LSAMP: variants seen among roughly 807,000 people sequenced by gnomAD.
The protein encoded by LSAMP is limbic system-associated membrane protein.
Under a neutral mutation model 38.6 loss-of-function variants are expected in LSAMP, and 7 were observed. That is an observed-to-expected ratio of 0.18 (90% CI 0.10 to 0.34). LSAMP has a LOEUF of 0.34. Among genes scored for constraint, LSAMP ranks in the 10% least tolerant of loss-of-function variants. The pLI is 1.00. For synonymous variants in LSAMP, 154 were observed against 166.8 expected (o/e 0.92, Z 0.59); for missense variants, 313 against 420.0 (o/e 0.75, Z 2.23).
chr3:116,400,061 G>T (rs574963019), intron 1 of LSAMP, among the ~76,000 whole-genome samples: 1 of 152,196 alleles, frequency 6.6e-6, no homozygotes, highest in South Asian at 2.1e-4. Flanking sequence ...GGAAATCTGA[G>T]GACTAAATAT....
At position 115,909,299 on chromosome 3, in the gene LSAMP, T is replaced by C. The variant is rs1369774390; in HGVS notation, c.515-56682A>G. 3.9e-5 allele frequency among the ~76,000 whole-genome samples: 6 copies of C among 152,350 alleles called. No homozygotes were observed. The East Asian group carries it at 1.2e-3, about 29-fold the overall frequency. On this transcript the variant is annotated intron_variant, in intron 3 of 6. Transcript: ENST00000490035. Reference sequence around the variant, plus strand: ...TGCCCAGGCATCACATCTCTGCTAGTTCTCCATCTAGGCTTTTCTGAGTCT... The same window carrying C: ...TGCCCAGGCATCACATCTCTGCTAGCTCTCCATCTAGGCTTTTCTGAGTCT...
intron 6 of LSAMP, among the ~76,000 whole-genome samples, chr3:115,829,447 T>G (rs1267785096): frequency 6.6e-6 from 1 of 152,256 alleles, no homozygotes; most frequent in Non-Finnish European, 1.5e-5. Flanking sequence ...ATCATTTTGT[T>G]GTAAATTGGT....
chr3:116,084,220 T>G (rs907840942), intron 2 of LSAMP, among the ~76,000 whole-genome samples: 1 of 152,096 alleles, frequency 6.6e-6, no homozygotes, highest in Non-Finnish European at 1.5e-5. Context: ...GACTTGGCAC[T>G]TCTCCATCCC....
At chr3:116,444,156 T>C (rs905947761) in intron 1 of LSAMP, among the ~76,000 whole-genome samples, 1 of 152,184 alleles carries the variant, frequency 6.6e-6, no homozygotes, top group African/African-American at 2.4e-5. Context: ...TTAACACTCC[T>C]ACTCTTAAAT....
Position 115,802,526 on chromosome 3 carries a change from A to ATTTTTT in LSAMP, c.*7785_*7790dup, listed in dbSNP as rs10663302. On this transcript the variant is annotated 3_prime_UTR_variant, in exon 7 of 7. Transcript: ENST00000490035. Reference sequence around the variant, plus strand: ...AAAGCTTTTTTTCATTTTAATTTTAATTTTTTTTTTTTAACACACATTGCG... The same window carrying ATTTTTT: ...AAAGCTTTTTTTCATTTTAATTTTAATTTTTTTTTTTTTTTTTTAACACACATTGCG... 6.8e-6 allele frequency: 1 copy of ATTTTTT among 148,074 alleles called. No homozygotes were observed. The highest frequency in any genetic ancestry group is 2.5e-5 in the African/African-American group (1 of 40,398). 9.2% of individuals were successfully genotyped at this position (148,074 alleles called of 1,614,324 possible). A position where few individuals can be genotyped will look rare whatever the true frequency, so the allele number is the denominator to read the frequency against.
intron 3 of LSAMP, among the ~76,000 whole-genome samples, chr3:116,006,501 G>C (rs1940165909): frequency 6.6e-6 from 1 of 152,142 alleles, no homozygotes; most frequent in Admixed American, 6.6e-5. Context: ...GGATTATTTA[G>C]TTATATTAAG....
At chr3:115,985,647 A>T (rs896990883) in intron 3 of LSAMP, among the ~76,000 whole-genome samples, 1 of 152,120 alleles carries the variant, frequency 6.6e-6, no homozygotes, top group African/African-American at 2.4e-5. Flanking sequence ...TGTTATGCTC[A>T]CTCACTGGCT....
At chr3:116,436,875 C>T (rs1271192998) in intron 1 of LSAMP, among the ~76,000 whole-genome samples, 1 of 152,054 alleles carries the variant, frequency 6.6e-6, no homozygotes, top group East Asian at 1.9e-4. Flanking sequence ...AAGATACTTG[C>T]ACACGCATGT....
At chr3:116,163,776 C>T (rs1263058447) in intron 1 of LSAMP, among the ~76,000 whole-genome samples, 3 of 152,096 alleles carry the variant, frequency 2.0e-5, no homozygotes, top group Non-Finnish European at 4.4e-5. Context: ...TTAGACTCTT[C>T]TAATTTTAAA....
intron 1 of LSAMP, among the ~76,000 whole-genome samples, chr3:116,348,418 T>C (rs1334751022): frequency 6.6e-6 from 1 of 152,098 alleles, no homozygotes; most frequent in African/African-American, 2.4e-5. Context: ...TTTACCTTCC[T>C]TTTTCTTTAA....
chr3:116,366,998 A>G (rs1193584308), intron 1 of LSAMP, among the ~76,000 whole-genome samples: 1 of 152,182 alleles, frequency 6.6e-6, no homozygotes, highest in Non-Finnish European at 1.5e-5. Flanking sequence ...GTATATCTAA[A>G]ACCTGTAACA....
intron 1 of LSAMP, among the ~76,000 whole-genome samples, chr3:116,409,326 AAGG>A (rs1438789933): frequency 6.6e-6 from 1 of 152,064 alleles, no homozygotes; most frequent in Non-Finnish European, 1.5e-5. Context: ...GGGACATCTC[AAGG>A]AGATGAAACA....
chr3:115,823,070 A>AT (rs766486106), intron 6 of LSAMP, among the ~76,000 whole-genome samples: 60 of 152,260 alleles, frequency 3.9e-4, no homozygotes, highest in Non-Finnish European at 8.2e-4. Flanking sequence ...CTTATATCAA[A>AT]TATTCTATAG....
At chr3:116,080,092 C>T (rs538473911) in intron 2 of LSAMP, among the ~76,000 whole-genome samples, 1 of 152,056 alleles carries the variant, frequency 6.6e-6, no homozygotes, top group Non-Finnish European at 1.5e-5. Context: ...AAATAACTTG[C>T]CATAGACCGG....
rs995882402 is a variant in LSAMP, at chr3:116,390,542, A to G, written c.155+54335T>C. ...TGGAAGCAGTTCTGCAGAGTTGGAA[A>G]GGAATGCAAGTAGGCAATGGAAGAA... On this transcript the variant is annotated intron_variant, in intron 1 of 6. Coordinates refer to ENST00000490035, the MANE Select transcript of LSAMP (RefSeq NM_002338.5). 2.0e-4 allele frequency among the ~76,000 whole-genome samples: 31 copies of G among 152,096 alleles called. 1 individual carries two copies. The highest frequency in any genetic ancestry group is 7.0e-4 in the African/African-American group (29 of 41,388).
chr3:116,303,934 T>G (rs76699713), intron 1 of LSAMP, among the ~76,000 whole-genome samples: 3,541 of 152,210 alleles, frequency 0.023, 118 homozygotes, highest in African/African-American at 0.08. Context: ...ATAACGTGGC[T>G]GGTGTAATGC....
At chr3:115,947,768 G>A (rs897760795) in intron 3 of LSAMP, among the ~76,000 whole-genome samples, 1 of 152,174 alleles carries the variant, frequency 6.6e-6, no homozygotes, top group Admixed American at 6.5e-5. Context: ...GTTTGTGCAT[G>A]AGCTGATGAA....
chr3:116,271,359 C>T (rs1404995438), intron 1 of LSAMP, among the ~76,000 whole-genome samples: 1 of 151,946 alleles, frequency 6.6e-6, no homozygotes, highest in East Asian at 2.0e-4. Context: ...GCACACTATC[C>T]CTCAGCAAAT....
At chr3:116,252,341 G>T (rs1212300779) in intron 1 of LSAMP, among the ~76,000 whole-genome samples, 2 of 152,166 alleles carry the variant, frequency 1.3e-5, no homozygotes, top group Non-Finnish European at 2.9e-5. Flanking sequence ...ACACCAAAAA[G>T]AAAACCTCAT....
Sources: allele counts gnomAD v4.1 joint callset (sites outside exome capture counted in the v4.1 genomes callset), GRCh38; gene constraint gnomAD v4.1.1; transcripts MANE v1.5; gene names NCBI Gene and HGNC (gene_info 2026-07-23, HGNC 2026-07-21).